The following PDE1C variants were observed in gnomAD, a reference collection of about 807,000 sequenced individuals.
The protein encoded by PDE1C is phosphodiesterase 1C, also known as dual specificity calcium/calmodulin-dependent 3',5'-cyclic nucleotide phosphodiesterase 1C.
A neutral mutation model predicts 93.1 loss-of-function variants in PDE1C; 62 were observed. The ratio of observed to expected loss-of-function variants is 0.67; its 90% CI spans 0.54 to 0.82. The LOEUF is 0.82. Among genes scored for constraint, PDE1C ranks in the 40% least tolerant of loss-of-function variants. The pLI is 0.00. For missense variants in PDE1C, 742 were observed against 884.6 expected (o/e 0.84, Z 2.04); for synonymous variants, 325 against 310.1 (o/e 1.05, Z -0.50).
At chr7:31,900,579 C>A in intron 2 of PDE1C, among the ~76,000 whole-genome samples, 1 of 150,918 alleles carries the variant, frequency 6.6e-6, no homozygotes, top group Non-Finnish European at 1.5e-5. Flanking sequence ...AAACAGCTGT[C>A]AAAAATGTAC....
chr7:31,925,117 G>A (rs904642956), intron 2 of PDE1C, among the ~76,000 whole-genome samples: 1 of 150,902 alleles, frequency 6.6e-6, no homozygotes, highest in African/African-American at 2.4e-5. Flanking sequence ...GTGTGAGAGA[G>A]AGATGAGAGA....
At chr7:31,924,243 G>A (rs1157820804) in intron 2 of PDE1C, among the ~76,000 whole-genome samples, 2 of 152,098 alleles carry the variant, frequency 1.3e-5, no homozygotes, top group African/African-American at 2.4e-5. Context: ...ATATGATCTA[G>A]TGTCTTCCCT....
chr7:32,312,666 T>G (rs1046947766), intron 1 of PDE1C, among the ~76,000 whole-genome samples: 11 of 152,236 alleles, frequency 7.2e-5, no homozygotes, highest in African/African-American at 2.7e-4. Context: ...GGATTCCCTA[T>G]TTAATAAATG....
chr7:32,251,085 G>GCA (rs1471317096), intron 1 of PDE1C, among the ~76,000 whole-genome samples: 32 of 152,240 alleles, frequency 2.1e-4, no homozygotes, highest in African/African-American at 4.8e-4. Context: ...GCGCGCGTGC[G>GCA]CACACACACA....
At chr7:32,347,490 G>A (rs1411538139) in intron 1 of PDE1C, among the ~76,000 whole-genome samples, 1 of 152,128 alleles carries the variant, frequency 6.6e-6, no homozygotes, top group East Asian at 1.9e-4. Flanking sequence ...AGTGTGAGTA[G>A]AATATAGCAA....
the PDE1C span, among the ~76,000 whole-genome samples, chr7:31,721,443 T>G: frequency 6.6e-6 from 1 of 152,216 alleles, no homozygotes; most frequent in African/African-American, 2.4e-5. Context: ...GTTTAATTTA[T>G]TTAATTAATT....
intron 16 of PDE1C, chr7:31,783,773 G>A (rs1783640525): frequency 6.6e-6 from 1 of 152,112 alleles, no homozygotes; most frequent in Non-Finnish European, 1.5e-5. Context: ...CATTGGTTAA[G>A]CAGCATCTTA....
chr7:32,065,427 C>A lies in PDE1C; in HGVS notation c.101+4866G>T, dbSNP rs74355501. Among the ~76,000 whole-genome samples the A allele has an allele frequency of 6.2e-3, 950 of 152,334 alleles. 5 individuals are homozygous for A. Among genetic ancestry groups the A allele is most frequent in the Non-Finnish European group, 0.01 (684 of 68,036 alleles). On this transcript the variant is annotated intron_variant, in intron 1 of 17. Coordinates refer to ENST00000396191, the MANE Select transcript of PDE1C (RefSeq NM_001191057.4). ...TAATGAGTCTCCTAGAATGAATACA[C>A]AATTCACTGTAGTCTGTAACACCTT...
intron 13 of PDE1C, among the ~76,000 whole-genome samples, chr7:31,823,483 C>A (rs2072428): frequency 0.82 from 125,073 of 152,040 alleles, 51,640 homozygotes; most frequent in African/African-American, 0.88. Context: ...CTTCATATTT[C>A]TTCTTTGCTA....
At chr7:31,728,608 C>A in the PDE1C span, among the ~76,000 whole-genome samples, 1 of 152,000 alleles carries the variant, frequency 6.6e-6, no homozygotes, top group Non-Finnish European at 1.5e-5. Context: ...GATTGTTTTC[C>A]GAGTACTGAG....
At chr7:31,641,759 C>T in the PDE1C span, among the ~76,000 whole-genome samples, 3 of 152,088 alleles carry the variant, frequency 2.0e-5, no homozygotes, top group African/African-American at 7.2e-5. Flanking sequence ...CTTATCCAAA[C>T]TTTAGTAAAA....
At chr7:32,001,914 C>T (rs1785515230) in intron 2 of PDE1C, among the ~76,000 whole-genome samples, 1 of 152,118 alleles carries the variant, frequency 6.6e-6, no homozygotes, top group Non-Finnish European at 1.5e-5. Context: ...CAAAAATTAG[C>T]TGAGCGTTGT....
At chr7:32,309,232 A>G (rs1813104665) in intron 1 of PDE1C, among the ~76,000 whole-genome samples, 1 of 152,240 alleles carries the variant, frequency 6.6e-6, no homozygotes, top group African/African-American at 2.4e-5. Context: ...AAAGCCTCCA[A>G]GAAATATGGG....
chr7:32,248,793 A>C (rs1809150391), intron 1 of PDE1C, among the ~76,000 whole-genome samples: 2 of 152,252 alleles, frequency 1.3e-5, no homozygotes, highest in Non-Finnish European at 2.9e-5. Context: ...TGTCAGCAAC[A>C]CTTGGAAAAG....
intron 1 of PDE1C, among the ~76,000 whole-genome samples, chr7:32,325,861 G>T (rs1051258241): frequency 6.6e-6 from 1 of 152,172 alleles, no homozygotes; most frequent in African/African-American, 2.4e-5. Flanking sequence ...GAGCCCAAGA[G>T]GGAGATAATC....
At chr7:32,007,170 A>G (rs1390937799) in intron 2 of PDE1C, among the ~76,000 whole-genome samples, 3 of 152,188 alleles carry the variant, frequency 2.0e-5, no homozygotes, top group Non-Finnish European at 4.4e-5. Context: ...ACCCAAATAG[A>G]TCTTAAAGAC....
chr7:31,813,282 C>T (rs963400052), intron 15 of PDE1C, among the ~76,000 whole-genome samples: 5 of 152,074 alleles, frequency 3.3e-5, no homozygotes, highest in Non-Finnish European at 7.4e-5. Context: ...CCACCCACAT[C>T]CCAGACTGCT....
intron 2 of PDE1C, among the ~76,000 whole-genome samples, chr7:31,946,130 C>G (rs1806572511): frequency 6.6e-6 from 1 of 152,032 alleles, no homozygotes; most frequent in Admixed American, 6.6e-5. Context: ...TTTTTTACTC[C>G]CTATCTGAAG....
At chr7:32,115,265 C>T (rs1258526723) in intron 3 of PDE1C, among the ~76,000 whole-genome samples, 2 of 152,114 alleles carry the variant, frequency 1.3e-5, no homozygotes, top group African/African-American at 4.8e-5. Context: ...GGTACATATA[C>T]ACCACAGAAT....
Sources: allele counts gnomAD v4.1 joint callset (sites outside exome capture counted in the v4.1 genomes callset), GRCh38; gene constraint gnomAD v4.1.1; transcripts MANE v1.5; gene names NCBI Gene and HGNC (gene_info 2026-07-23, HGNC 2026-07-21).